Variants in IQCJ observed in about 807,000 individuals in gnomAD.
IQCJ encodes the protein IQ domain-containing protein J.
Under a neutral mutation model 11.0 loss-of-function variants are expected in IQCJ, and 9 were observed. The ratio of observed to expected loss-of-function variants is 0.82; its 90% CI spans 0.49 to 1.43. The LOEUF (loss-of-function observed/expected upper bound fraction) is 1.43. Ranked by LOEUF, IQCJ falls within the 40% of genes most tolerant of loss-of-function variation. IQCJ has a pLI of 0.00. For missense variants in IQCJ, 146 were observed against 133.2 expected (o/e 1.10, Z -0.47); for synonymous variants, 55 against 51.3 (o/e 1.07, Z -0.31).
Position 159,245,836 on chromosome 3 carries a change from T to C in IQCJ, c.10-7T>C. ...AATTTGTAAGATATATCTTCTCTTT[T>C]TCACAGGAAGAACTGAAAAGATTGC... On this transcript the variant is annotated splice_region_variant and splice_polypyrimidine_tract_variant and intron_variant, in intron 1 of 3. Coordinates refer to ENST00000397832, the MANE Select transcript of IQCJ (RefSeq NM_001042706.3). The C allele has an allele frequency of 6.5e-7, 1 of 1,543,554 alleles. No individual in the cohort carries two copies. The highest frequency in any genetic ancestry group is 8.8e-7 in the Non-Finnish European group (1 of 1,139,612).
intron 1 of IQCJ, among the ~76,000 whole-genome samples, chr3:159,180,082 G>A (rs1316595888): frequency 2.0e-5 from 3 of 152,194 alleles, no homozygotes; most frequent in Non-Finnish European, 4.4e-5. Context: ...CTTTGTGAAG[G>A]TCGTGGGACC....
intron 1 of IQCJ, among the ~76,000 whole-genome samples, chr3:159,140,914 T>C (rs773496932): frequency 7.9e-5 from 12 of 152,204 alleles, no homozygotes; most frequent in Non-Finnish European, 1.6e-4. Flanking sequence ...TAAAGAGCCC[T>C]GCACTTTTCA....
At chr3:159,184,736 T>G (rs1050415429) in intron 1 of IQCJ, among the ~76,000 whole-genome samples, 7 of 152,234 alleles carry the variant, frequency 4.6e-5, no homozygotes, top group African/African-American at 1.7e-4. Flanking sequence ...CATATTTGGA[T>G]GAATCTTGAA....
chr3:159,249,138 G>A (rs922166222), intron 2 of IQCJ, among the ~76,000 whole-genome samples: 1 of 152,134 alleles, frequency 6.6e-6, no homozygotes. Context: ...TTACAGACGT[G>A]AGCCACTGCG....
rs143958853 is a variant in IQCJ, at chr3:159,107,560, A to C, written c.9+38119A>C. 2.0e-3 allele frequency among the ~76,000 whole-genome samples: 298 copies of C among 152,342 alleles called. 1 individual carries two copies. Among genetic ancestry groups the C allele is most frequent in the African/African-American group, 6.8e-3 (281 of 41,584 alleles). ...GAAGTGACAATCTACCAGATAATGA[A>C]GCTTCTGTCCAATTCATTTAAGAAC... On this transcript the variant is annotated intron_variant, in intron 1 of 3. Transcript: ENST00000397832.
chr3:159,251,130 G>T (rs1193921921), intron 2 of IQCJ, among the ~76,000 whole-genome samples: 1 of 151,958 alleles, frequency 6.6e-6, no homozygotes, highest in East Asian at 1.9e-4. Context: ...AAGCTATCTT[G>T]GGGTGCTGAC....
downstream of IQCJ, among the ~76,000 whole-genome samples, chr3:159,264,012 G>A (rs1372215737): frequency 6.6e-6 from 1 of 152,212 alleles, no homozygotes; most frequent in Non-Finnish European, 1.5e-5. Context: ...ACTAAAGTGA[G>A]AATTGAATGT....
At chr3:159,136,597 G>A (rs752954127) in intron 1 of IQCJ, among the ~76,000 whole-genome samples, 28 of 152,274 alleles carry the variant, frequency 1.8e-4, no homozygotes, top group South Asian at 8.3e-4. Context: ...TAAGGTGCCC[G>A]CATATTCAGT....
At position 159,259,558 on chromosome 3, in the gene IQCJ, T is replaced by C. The variant is rs983848423; in HGVS notation, c.156-2990T>C. Among the ~76,000 whole-genome samples the C allele has an allele frequency of 7.9e-5, 12 of 152,332 alleles. No homozygotes were observed. The East Asian group carries it at 2.3e-3, about 29-fold the overall frequency. On this transcript the variant is annotated intron_variant, in intron 3 of 3. Transcript: ENST00000397832. ...GAGATGAGGTGCTTCTAAATTTTAC[T>C]TTAGTTCCCTCTTACAGTAAAATAA...
intron 1 of IQCJ, among the ~76,000 whole-genome samples, chr3:159,136,580 C>G (rs1720302472): frequency 6.6e-6 from 1 of 152,152 alleles, no homozygotes; most frequent in Admixed American, 6.6e-5. Context: ...GCTGGAAAGT[C>G]CAAGATTAAG....
intron 1 of IQCJ, among the ~76,000 whole-genome samples, chr3:159,081,071 G>C (rs1420334771): frequency 1.3e-5 from 2 of 152,042 alleles, no homozygotes; most frequent in Non-Finnish European, 2.9e-5. Context: ...AGAGACTCCT[G>C]CCTTTTTTCA....
chr3:159,071,657 G>C (rs766234381), intron 1 of IQCJ, among the ~76,000 whole-genome samples: 1 of 151,996 alleles, frequency 6.6e-6, no homozygotes, highest in African/African-American at 2.4e-5. Flanking sequence ...AGCTTATGTA[G>C]TACTGTGTGG....
intron 1 of IQCJ, among the ~76,000 whole-genome samples, chr3:159,208,135 G>C (rs2086113747): frequency 6.6e-6 from 1 of 152,200 alleles, no homozygotes; most frequent in Non-Finnish European, 1.5e-5. Flanking sequence ...CTTTCAGTGT[G>C]AAAGAGTCCT....
intron 1 of IQCJ, among the ~76,000 whole-genome samples, chr3:159,229,225 C>CA (rs1178432501): frequency 6.6e-6 from 1 of 152,176 alleles, no homozygotes; most frequent in Non-Finnish European, 1.5e-5. Context: ...TGCACACAGG[C>CA]ATGCCATTCC....
intron 1 of IQCJ, among the ~76,000 whole-genome samples, chr3:159,201,988 C>T (rs540692570): frequency 2.0e-5 from 3 of 152,270 alleles, no homozygotes; most frequent in South Asian, 4.1e-4. Flanking sequence ...CACTGGAAGA[C>T]AGAAGACATG....
At chr3:159,231,529 T>G (rs1726248547) in intron 1 of IQCJ, among the ~76,000 whole-genome samples, 1 of 152,216 alleles carries the variant, frequency 6.6e-6, no homozygotes, top group Non-Finnish European at 1.5e-5. Flanking sequence ...GGATTTGGTT[T>G]GCCTGTATTT....
At chr3:159,122,828 A>T (rs1719454705) in intron 1 of IQCJ, among the ~76,000 whole-genome samples, 1 of 152,230 alleles carries the variant, frequency 6.6e-6, no homozygotes, top group South Asian at 2.1e-4. Flanking sequence ...CTTTGGAAGT[A>T]AATAAATAAG....
At chr3:159,123,999 T>G (rs1273715007) in intron 1 of IQCJ, among the ~76,000 whole-genome samples, 3 of 152,190 alleles carry the variant, frequency 2.0e-5, no homozygotes, top group Non-Finnish European at 4.4e-5. Flanking sequence ...TTTACACTCT[T>G]GCAATATCCT....
intron 1 of IQCJ, among the ~76,000 whole-genome samples, chr3:159,236,734 A>G (rs1227795293): frequency 2.0e-5 from 3 of 152,184 alleles, no homozygotes; most frequent in Non-Finnish European, 4.4e-5. Flanking sequence ...GCAATAATCA[A>G]TATTTCATGT....
Sources: allele counts gnomAD v4.1 joint callset (sites outside exome capture counted in the v4.1 genomes callset), GRCh38; gene constraint gnomAD v4.1.1; transcripts MANE v1.5; gene names NCBI Gene and HGNC (gene_info 2026-07-23, HGNC 2026-07-21).